The following BICD1 variants were observed in gnomAD, a reference collection of about 807,000 sequenced individuals.
The protein encoded by BICD1 is protein bicaudal D homolog 1.
A neutral mutation model predicts 92.5 loss-of-function variants in BICD1; 35 were observed. That is an observed-to-expected ratio of 0.38 (90% CI 0.29 to 0.50). The LOEUF (loss-of-function observed/expected upper bound fraction) is 0.50, where lower values mean the gene tolerates loss of function less well. Ranked by LOEUF, BICD1 falls within the 20% of genes least tolerant of loss-of-function variation. The pLI is 0.93. For missense variants in BICD1, 950 were observed against 1,189.8 expected, an observed-to-expected ratio of 0.80 and a Z score of 2.97; for synonymous variants, 429 against 465.1, an observed-to-expected ratio of 0.92 and a Z score of 1.00.
At chr12:32,131,146 T>C (rs576231240) in intron 1 of BICD1, among the ~76,000 whole-genome samples, 24 of 152,294 alleles carry the variant, frequency 1.6e-4, no homozygotes, top group African/African-American at 4.8e-4. Flanking sequence ...CTCCGTGACA[T>C]TTAAATAAAA....
intron 1 of BICD1, among the ~76,000 whole-genome samples, chr12:32,163,103 T>TA (rs1394946597): frequency 6.6e-6 from 1 of 152,238 alleles, no homozygotes; most frequent in East Asian, 1.9e-4. Flanking sequence ...TGTTAAATGA[T>TA]AACGCAGGGG....
chr12:32,206,185 C>T (rs1478007127), intron 1 of BICD1, among the ~76,000 whole-genome samples: 1 of 152,206 alleles, frequency 6.6e-6, no homozygotes, highest in Non-Finnish European at 1.5e-5. Context: ...CACGTGCTTT[C>T]ATTTGTCTTG....
intron 2 of BICD1, among the ~76,000 whole-genome samples, chr12:32,217,094 T>G (rs140622572): frequency 3.7e-4 from 57 of 152,292 alleles, no homozygotes; most frequent in African/African-American, 1.4e-3. Context: ...ACTGGCAGAG[T>G]CATCCTTTAG....
At chr12:32,186,911 A>G (rs925257928) in intron 1 of BICD1, among the ~76,000 whole-genome samples, 11 of 152,204 alleles carry the variant, frequency 7.2e-5, no homozygotes, top group African/African-American at 2.7e-4. Context: ...GGGCTGAGTG[A>G]TATAATGGAA....
chr12:32,207,344 A>G (rs1311169285), intron 1 of BICD1, among the ~76,000 whole-genome samples: 1 of 152,224 alleles, frequency 6.6e-6, no homozygotes, highest in Non-Finnish European at 1.5e-5. Flanking sequence ...GTAAATATAA[A>G]TCTAAGTAAT....
intron 1 of BICD1, among the ~76,000 whole-genome samples, chr12:32,190,754 G>A (rs977807677): frequency 6.6e-6 from 1 of 152,144 alleles, no homozygotes; most frequent in Non-Finnish European, 1.5e-5. Flanking sequence ...GGACCTAACA[G>A]ACATACACAG....
intron 8 of BICD1, chr12:32,339,286 G>C: frequency 5.7e-6 from 6 of 1,055,758 alleles, no homozygotes; most frequent in Non-Finnish European, 6.8e-6. Flanking sequence ...TTGCAGTTTG[G>C]TAGCTCATGG....
At chr12:32,158,758 C>T (rs1488437666) in intron 1 of BICD1, among the ~76,000 whole-genome samples, 1 of 152,170 alleles carries the variant, frequency 6.6e-6, no homozygotes, top group Non-Finnish European at 1.5e-5. Flanking sequence ...TTTACATTCC[C>T]ACCTCTCCAT....
At chr12:32,339,064 C>G in intron 8 of BICD1, 85 bp downstream of exon 8, 1 of 1,435,702 alleles carries the variant, frequency 7.0e-7, no homozygotes, top group South Asian at 1.5e-5. Context: ...CAGGCTCACC[C>G]AGCTGCAGAG....
chr12:32,140,891 G>C (rs1423180392), intron 1 of BICD1, among the ~76,000 whole-genome samples: 1 of 152,116 alleles, frequency 6.6e-6, no homozygotes, highest in Non-Finnish European at 1.5e-5. Context: ...GAGGAAATGC[G>C]GCGACTTAGG....
chr12:32,332,683 C>A (rs200253927), intron 5 of BICD1: 1 of 310,978 alleles, frequency 3.2e-6, no homozygotes, highest in Non-Finnish European at 4.7e-6. Context: ...CCTAGAGGAG[C>A]GGAAAAGACT....
At chr12:32,148,703 G>C (rs1045610858) in intron 1 of BICD1, among the ~76,000 whole-genome samples, 1 of 152,130 alleles carries the variant, frequency 6.6e-6, no homozygotes, top group Non-Finnish European at 1.5e-5. Flanking sequence ...TTTACAGGTT[G>C]CTGCTATTTT....
intron 8 of BICD1, among the ~76,000 whole-genome samples, chr12:32,341,012 CTT>C (rs1457455078): frequency 6.6e-6 from 1 of 152,192 alleles, no homozygotes; most frequent in Non-Finnish European, 1.5e-5. Flanking sequence ...CCATAAAACA[CTT>C]TCCCTTTTTC....
chr12:32,338,063 G>T (rs1938210108), intron 7 of BICD1: 1 of 435,582 alleles, frequency 2.3e-6, no homozygotes, highest in Non-Finnish European at 4.1e-6. Flanking sequence ...TAATTTTCAA[G>T]TGTCTGTTAA....
At chr12:32,350,795 A>T (rs1204611294) in intron 8 of BICD1, among the ~76,000 whole-genome samples, 1 of 152,200 alleles carries the variant, frequency 6.6e-6, no homozygotes. Flanking sequence ...AAAATGGTTG[A>T]CTATTCCATT....
chr12:32,258,682 G>T (rs1382392319), intron 2 of BICD1, among the ~76,000 whole-genome samples: 1 of 152,112 alleles, frequency 6.6e-6, no homozygotes, highest in Non-Finnish European at 1.5e-5. Context: ...ATAGGACAGG[G>T]GGCCCTTCCC....
At chr12:32,288,506 T>C (rs1373831929) in intron 2 of BICD1, among the ~76,000 whole-genome samples, 1 of 152,046 alleles carries the variant, frequency 6.6e-6, no homozygotes, top group African/African-American at 2.4e-5. Flanking sequence ...CATCTCAGCC[T>C]CCCAAGGTGT....
intron 6 of BICD1, among the ~76,000 whole-genome samples, chr12:32,335,441 C>T (rs1415437589): frequency 2.6e-5 from 4 of 151,996 alleles, no homozygotes; most frequent in South Asian, 2.1e-4. Context: ...TGAGCCACCG[C>T]GCCCGGCTGT....
rs563978488 is a variant in BICD1, at chr12:32,380,324, G to A, written c.*2697G>A. Reference sequence around the variant, plus strand: ...AACATCAGGAATTCAAAAGGAAATTGAAAAGGGGCAGAACTAGTGAGAACC... The same window carrying A: ...AACATCAGGAATTCAAAAGGAAATTAAAAAGGGGCAGAACTAGTGAGAACC... On this transcript the variant is annotated 3_prime_UTR_variant, in exon 10 of 10. Coordinates refer to ENST00000652176, the MANE Select transcript of BICD1 (RefSeq NM_001714.4). 3.9e-5 allele frequency: 6 copies of A among 152,210 alleles called. No homozygotes were observed. Among genetic ancestry groups the A allele is most frequent in the African/African-American group, 1.4e-4 (6 of 41,542 alleles). 9.4% of individuals were successfully genotyped at this position (152,210 alleles called of 1,614,324 possible).
Sources: allele counts gnomAD v4.1 joint callset (sites outside exome capture counted in the v4.1 genomes callset), GRCh38; gene constraint gnomAD v4.1.1; transcripts MANE v1.5; gene names NCBI Gene and HGNC (gene_info 2026-07-23, HGNC 2026-07-21).